The following STX6 variants were observed in gnomAD, a reference collection of about 807,000 sequenced individuals.
STX6 encodes the protein syntaxin-6.
STX6 carries 23 observed loss-of-function variants against 38.0 expected under a neutral mutation model. The observed-to-expected ratio is 0.60, with a 90% confidence interval of 0.43 to 0.86. The LOEUF (loss-of-function observed/expected upper bound fraction) is 0.86, where lower values mean the gene tolerates loss of function less well. STX6 is among the 40% of genes least tolerant of loss of function. The pLI is 0.00. For missense variants in STX6, 274 were observed against 312.9 expected, an observed-to-expected ratio of 0.88 and a Z score of 0.94; for synonymous variants, 123 against 107.5, an observed-to-expected ratio of 1.14 and a Z score of -0.89.
At chr1:180,996,433 CAAA>C (rs1400484540) in intron 3 of STX6, among the ~76,000 whole-genome samples, 1 of 152,028 alleles carries the variant, frequency 6.6e-6, no homozygotes, top group African/African-American at 2.4e-5. Context: ...CACTGGTAAT[CAAA>C]GAAGTGTAGC....
In STX6 at chr1:180,989,995, C is replaced by T. The variant is rs769177909; in HGVS notation, c.478G>A (p.Ala160Thr). The change falls in exon 5 of 8, where the codon GCA becomes ACA. Residue 160 changes from alanine to threonine, a missense_variant. By Grantham distance (58) the Ala-to-Thr change is moderately conservative (BLOSUM62 0). Coordinates refer to ENST00000258301, the MANE Select transcript of STX6 (RefSeq NM_005819.6). ...GGTCCTTGGGGTACCTGCTGCTGTG[C>T]CTGCTGCTCCTCAATGAAATGAGAA... ...ANSHFIEEQQ[A>T]QQQLIVEQQD... The T allele has an allele frequency of 1.9e-6, 3 of 1,613,710 alleles. No individual in the cohort carries two copies. The highest frequency in any genetic ancestry group is 1.7e-5 in the Admixed American group (1 of 60,018).
chr1:181,007,502 A>G (rs1383739899), intron 1 of STX6, among the ~76,000 whole-genome samples: 4 of 152,198 alleles, frequency 2.6e-5, no homozygotes, highest in Non-Finnish European at 4.4e-5. Flanking sequence ...AGAGTTGAAG[A>G]GGTTATCTGT....
rs569326425 is a variant in STX6, at chr1:180,993,204, T to C, written c.363+159A>G. On this transcript the variant is annotated intron_variant, in intron 4 of 7. Coordinates refer to ENST00000258301, the MANE Select transcript of STX6 (RefSeq NM_005819.6). Reference sequence around the variant, plus strand: ...ATGTTGACAGGGTGCTGGGACAGGCTGCCTGGACTGTCACAAAACCTCCCA... The same window carrying C: ...ATGTTGACAGGGTGCTGGGACAGGCCGCCTGGACTGTCACAAAACCTCCCA... Among the ~76,000 whole-genome samples, 22 of 152,294 alleles carry C rather than the reference T, an allele frequency of 1.4e-4. No individual in the cohort carries two copies. In the South Asian group the frequency reaches 2.3e-3, roughly 16 times the overall value.
chr1:180,988,460 G>A (rs536113215), intron 5 of STX6, 115 bp from the exon 6 acceptor site: 60 of 731,630 alleles, frequency 8.2e-5, no homozygotes, highest in Middle Eastern at 2.8e-4. Flanking sequence ...ACATTCAGAA[G>A]CAAAGCCCAG....
intron 7 of STX6, among the ~76,000 whole-genome samples, chr1:180,981,774 C>A (rs781629617): frequency 3.5e-4 from 53 of 152,308 alleles, no homozygotes; most frequent in South Asian, 8.3e-4. Context: ...GTTACCCCAG[C>A]AGACTTCTCA....
chr1:181,018,640 T>C (rs189223858), intron 1 of STX6, among the ~76,000 whole-genome samples: 27 of 152,196 alleles, frequency 1.8e-4, no homozygotes, highest in African/African-American at 6.5e-4. Context: ...TGTTGTGGGA[T>C]TCTGTTCCGA....
At chr1:180,977,864 C>T (rs1655298618) in intron 7 of STX6, among the ~76,000 whole-genome samples, 1 of 152,188 alleles carries the variant, frequency 6.6e-6, no homozygotes, top group Non-Finnish European at 1.5e-5. Flanking sequence ...AGTCTTAGAA[C>T]TGGACAAGAG....
intron 3 of STX6, among the ~76,000 whole-genome samples, chr1:180,998,180 G>A (rs951988814): frequency 6.6e-6 from 1 of 152,086 alleles, no homozygotes; most frequent in African/African-American, 2.4e-5. Context: ...CTTTGAGCTT[G>A]CATTATCATA....
At chr1:181,013,268 G>T (rs1571353101) in intron 1 of STX6, among the ~76,000 whole-genome samples, 1 of 152,078 alleles carries the variant, frequency 6.6e-6, no homozygotes, top group South Asian at 2.1e-4. Context: ...CCCAGTATTT[G>T]TCATTCAGTT....
chr1:180,988,335 TC>T lies in STX6; in HGVS notation c.499del (p.Glu167AsnfsTer17). On this transcript the variant is annotated frameshift_variant, in exon 6 of 8. Transcript: ENST00000258301. LOFTEE classifies it high-confidence loss of function. ...EQQAQQQLIVEQQDEQLELVS... is the reference protein window; with the variant it reads ...EQQAQQQLIVXQQDEQLELVS... ...CAGCTCCAACTGCTCATCCTGCTGT[TC>T]CACGATCAACTGGTGCCAGAGAAAT... The T allele has an allele frequency of 6.2e-7, 1 of 1,613,678 alleles. No homozygotes were observed. Among genetic ancestry groups the T allele is most frequent in the Non-Finnish European group, 8.5e-7 (1 of 1,179,710 alleles).
At chr1:181,004,054 T>C (rs898123188) in intron 2 of STX6, among the ~76,000 whole-genome samples, 4 of 152,194 alleles carry the variant, frequency 2.6e-5, no homozygotes, top group Admixed American at 6.5e-5. Context: ...GCTAACACTA[T>C]TACATAAGCT....
At chr1:180,977,020 G>A (rs953892631) in intron 7 of STX6, among the ~76,000 whole-genome samples, 1 of 152,180 alleles carries the variant, frequency 6.6e-6, no homozygotes. Context: ...TAAAAGTCAA[G>A]TCATTTAATT....
chr1:181,019,839 A>G (rs111792352), intron 1 of STX6, among the ~76,000 whole-genome samples: 26 of 152,336 alleles, frequency 1.7e-4, no homozygotes, highest in African/African-American at 6.0e-4. Context: ...TTCAGTTATC[A>G]AAAACCTTTT....
At chr1:180,980,843 G>A (rs1298368666) in intron 7 of STX6, 2 of 152,160 alleles carry the variant, frequency 1.3e-5, no homozygotes, top group Admixed American at 6.5e-5. Context: ...ATATTATTCA[G>A]TGTTAAAACA....
At chr1:180,985,580 C>G (rs1655552944) in intron 6 of STX6, among the ~76,000 whole-genome samples, 1 of 152,266 alleles carries the variant, frequency 6.6e-6, no homozygotes, top group South Asian at 2.1e-4. Context: ...ATTTCCCCAT[C>G]TGTCCTCACA....
chr1:180,985,667 A>C (rs1272126039), intron 6 of STX6, among the ~76,000 whole-genome samples: 1 of 152,246 alleles, frequency 6.6e-6, no homozygotes, highest in Non-Finnish European at 1.5e-5. Context: ...GCAGCTGGGA[A>C]AGAAAACCCC....
intron 1 of STX6, among the ~76,000 whole-genome samples, chr1:181,020,358 A>G (rs1293365812): frequency 6.6e-6 from 1 of 152,256 alleles, no homozygotes; most frequent in African/African-American, 2.4e-5. Flanking sequence ...TATCTCATCA[A>G]TAATCTTTAA....
At chr1:181,017,388 G>A (rs1017284857) in intron 1 of STX6, among the ~76,000 whole-genome samples, 24 of 151,984 alleles carry the variant, frequency 1.6e-4, no homozygotes, top group Admixed American at 3.9e-4. Context: ...GTGAGACTCC[G>A]TCTCAAAAAA....
intron 5 of STX6, chr1:180,988,603 C>T (rs1366982186): frequency 2.7e-6 from 1 of 364,268 alleles, no homozygotes. Flanking sequence ...GAGATTTACT[C>T]TGGTTGGCTG....
Sources: gnomAD v4.1 joint callset for allele counts (sites outside exome capture counted in the v4.1 genomes callset) on GRCh38, gnomAD v4.1.1 for gene constraint, MANE v1.5 for transcripts, NCBI Gene and HGNC (gene_info 2026-07-23, HGNC 2026-07-21) for gene names.